DOK6: variants seen among roughly 807,000 people sequenced by gnomAD.
DOK6 encodes the protein docking protein 6, also known as downstream of tyrosine kinase 6.
Under a neutral mutation model 44.0 loss-of-function variants are expected in DOK6, and 22 were observed. That is an observed-to-expected ratio of 0.50 (90% CI 0.36 to 0.71). The LOEUF is 0.71. DOK6 is among the 30% of genes least tolerant of loss of function. The pLI, the probability that DOK6 is intolerant of heterozygous loss-of-function variation, is 0.00. For missense variants in DOK6, 340 were observed against 416.4 expected (o/e 0.82, Z 1.60); for synonymous variants, 166 against 145.5 (o/e 1.14, Z -1.01).
intron 7 of DOK6, among the ~76,000 whole-genome samples, chr18:69,825,610 A>G (rs907468634): frequency 1.3e-5 from 2 of 150,354 alleles, no homozygotes. Flanking sequence ...ATTTTTTTGT[A>G]TTTTTTAGTA....
At chr18:69,423,536 G>T (rs1174261497) in intron 1 of DOK6, among the ~76,000 whole-genome samples, 1 of 152,118 alleles carries the variant, frequency 6.6e-6, no homozygotes, top group Admixed American at 6.5e-5. Flanking sequence ...TACAAACCAT[G>T]CTTCAACAAA....
At chr18:69,788,231 C>G (rs1364409870) in intron 7 of DOK6, among the ~76,000 whole-genome samples, 1 of 152,156 alleles carries the variant, frequency 6.6e-6, no homozygotes, top group Non-Finnish European at 1.5e-5. Context: ...AAGTTCTCCT[C>G]ACAAAGCAGG....
At chr18:69,670,889 A>C in intron 3 of DOK6, among the ~76,000 whole-genome samples, 1 of 152,110 alleles carries the variant, frequency 6.6e-6, no homozygotes, top group East Asian at 1.9e-4. Flanking sequence ...ATTCATTCTC[A>C]AGGTGAGCTT....
intron 5 of DOK6, among the ~76,000 whole-genome samples, chr18:69,719,988 G>C (rs1268011745): frequency 6.6e-6 from 1 of 152,100 alleles, no homozygotes; most frequent in Non-Finnish European, 1.5e-5. Context: ...TCAAGAGTTC[G>C]AGACCACCCT....
chr18:69,405,488 G>A (rs767956967), intron 1 of DOK6, among the ~76,000 whole-genome samples: 3 of 152,098 alleles, frequency 2.0e-5, no homozygotes, highest in African/African-American at 4.8e-5. Context: ...GCTGAGGTGC[G>A]AGAATTGCTT....
intron 4 of DOK6, among the ~76,000 whole-genome samples, chr18:69,680,919 G>C (rs932745818): frequency 1.3e-5 from 2 of 152,146 alleles, no homozygotes; most frequent in Admixed American, 6.5e-5. Context: ...TTTTAAAGCT[G>C]TCATTTCACT....
At chr18:69,621,182 C>A (rs1488874483) in intron 3 of DOK6, among the ~76,000 whole-genome samples, 1 of 152,140 alleles carries the variant, frequency 6.6e-6, no homozygotes, top group Non-Finnish European at 1.5e-5. Flanking sequence ...CTAGCACCAA[C>A]TGCCTAGGTT....
chr18:69,678,394 T>C (rs1985972250), intron 4 of DOK6, among the ~76,000 whole-genome samples: 2 of 152,230 alleles, frequency 1.3e-5, no homozygotes, highest in African/African-American at 2.4e-5. Context: ...TAATAACTAA[T>C]AGGTTAACTT....
intron 3 of DOK6, among the ~76,000 whole-genome samples, chr18:69,603,908 T>TA (rs1392622560): frequency 3.0e-4 from 45 of 152,224 alleles, no homozygotes; most frequent in African/African-American, 1.1e-3. Context: ...ATTAAGTTAT[T>TA]ATACGATTTA....
chr18:69,664,261 C>T (rs1484598464), intron 3 of DOK6, among the ~76,000 whole-genome samples: 1 of 152,120 alleles, frequency 6.6e-6, no homozygotes, highest in Non-Finnish European at 1.5e-5. Flanking sequence ...CCTGTTAGTG[C>T]TTTTCTGCAA....
chr18:69,827,642 G>A (rs1599347789), intron 7 of DOK6, among the ~76,000 whole-genome samples: 1 of 151,968 alleles, frequency 6.6e-6, no homozygotes, highest in South Asian at 2.1e-4. Context: ...GCTTAACCCT[G>A]TATCCACCAC....
At chr18:69,576,200 G>A (rs1983234440) in intron 2 of DOK6, among the ~76,000 whole-genome samples, 1 of 152,004 alleles carries the variant, frequency 6.6e-6, no homozygotes, top group African/African-American at 2.4e-5. Context: ...TTAATGGCCA[G>A]TCCAAATATT....
chr18:69,606,395 A>G (rs948389564), intron 3 of DOK6, among the ~76,000 whole-genome samples: 2 of 152,104 alleles, frequency 1.3e-5, no homozygotes, highest in Non-Finnish European at 2.9e-5. Flanking sequence ...TATAAAAGGA[A>G]CAAACTTCAA....
At chr18:69,722,978 G>A (rs957126635) in intron 5 of DOK6, among the ~76,000 whole-genome samples, 35 of 152,186 alleles carry the variant, frequency 2.3e-4, no homozygotes, top group African/African-American at 7.7e-4. Context: ...GTTTTAAAAA[G>A]AGCCCCAGAG....
intron 3 of DOK6, among the ~76,000 whole-genome samples, chr18:69,641,010 G>A (rs763706841): frequency 6.6e-6 from 1 of 151,932 alleles, no homozygotes. Context: ...TCAGGAGATC[G>A]ATCGAGACCA....
intron 1 of DOK6, among the ~76,000 whole-genome samples, chr18:69,490,632 C>A (rs1039315889): frequency 5.9e-5 from 9 of 152,010 alleles, no homozygotes; most frequent in Admixed American, 2.0e-4. Flanking sequence ...AAAGTTATGA[C>A]CATCTACATA....
chr18:69,651,651 G>T (rs1420905085), intron 3 of DOK6, among the ~76,000 whole-genome samples: 1 of 151,852 alleles, frequency 6.6e-6, no homozygotes, highest in Non-Finnish European at 1.5e-5. Flanking sequence ...ACCACACCCA[G>T]CTAATTTTTG....
Position 69,599,388 on chromosome 18 carries a change from C to G in DOK6, c.179C>G (p.Thr60Ser). 6.2e-7 allele frequency: 1 copy of G among 1,610,680 alleles called. No homozygotes were observed. Among genetic ancestry groups the G allele is most frequent in the Non-Finnish European group, 8.5e-7 (1 of 1,178,710 alleles). ...AAYFRNFHKV[T>S]ELHNIKNITR... ...AAATATATTTTTTCTTTCAAGGTAA[C>G]TGAACTGCACAATATCAAAAATATA... Residue 60 changes from threonine to serine, a missense_variant, in exon 3 of 8, where the codon ACT becomes AGT. Physicochemically the swap from Thr to Ser is moderately conservative, Grantham distance 58 (BLOSUM62 1). Transcript: ENST00000382713.
rs113284229 is a variant in DOK6, at chr18:69,668,677, G to A, written c.290-9057G>A. Among the ~76,000 whole-genome samples, 584 of 152,162 alleles carry A rather than the reference G, an allele frequency of 3.8e-3. 2 individuals carry two copies. Among genetic ancestry groups the A allele is most frequent in the African/African-American group, 0.013 (547 of 41,528 alleles). Reference sequence around the variant, plus strand: ...ACTTTTGTTTTCTTTGCTGATTTTTGTGATATCGGGATGATGTATAAGAGT... The same window carrying A: ...ACTTTTGTTTTCTTTGCTGATTTTTATGATATCGGGATGATGTATAAGAGT... On this transcript the variant is annotated intron_variant, in intron 3 of 7. Coordinates refer to ENST00000382713, the MANE Select transcript of DOK6 (RefSeq NM_152721.6).
Sources: allele counts gnomAD v4.1 joint callset (sites outside exome capture counted in the v4.1 genomes callset), GRCh38; gene constraint gnomAD v4.1.1; transcripts MANE v1.5; gene names NCBI Gene and HGNC (gene_info 2026-07-23, HGNC 2026-07-21).